FBXL17: variants seen among roughly 807,000 people sequenced by gnomAD.
FBXL17 encodes the protein F-box and leucine rich repeat protein 17, also known as F-box/LRR-repeat protein 17.
Under a neutral mutation model 66.2 loss-of-function variants are expected in FBXL17, and 22 were observed. The ratio of observed to expected loss-of-function variants is 0.33; its 90% CI spans 0.24 to 0.47. The LOEUF is 0.47. Ranked by LOEUF, FBXL17 falls within the 20% of genes least tolerant of loss-of-function variation. FBXL17 has a pLI of 1.00. For missense variants in FBXL17, 878 were observed against 948.2 expected (o/e 0.93, Z 0.97); for synonymous variants, 474 against 400.5 (o/e 1.18, Z -2.19).
In FBXL17 at chr5:108,132,242, T is replaced by C. The variant is rs11952057; in HGVS notation, c.1745+53875A>G. 4.7e-3 allele frequency among the ~76,000 whole-genome samples: 721 copies of C among 152,234 alleles called. 9 individuals are homozygous for C. Among genetic ancestry groups the C allele is most frequent in the African/African-American group, 0.017 (694 of 41,536 alleles). On this transcript the variant is annotated intron_variant, in intron 6 of 8. Coordinates refer to ENST00000542267, the MANE Select transcript of FBXL17 (RefSeq NM_001163315.3). ...CCGCCCGCATCAGCCTCCCAAAGTG[T>C]TGGGATTACAGGCATGAGCCACCGT...
intron 7 of FBXL17, among the ~76,000 whole-genome samples, chr5:107,899,696 C>G (rs574488185): frequency 1.3e-5 from 2 of 152,226 alleles, no homozygotes; most frequent in African/African-American, 4.8e-5. Flanking sequence ...TTAGGTTATT[C>G]CATACGAATG....
chr5:108,080,350 T>C (rs1233722577), intron 6 of FBXL17, among the ~76,000 whole-genome samples: 1 of 152,224 alleles, frequency 6.6e-6, no homozygotes. Context: ...CAAATTGCCA[T>C]CACGGAAACA....
chr5:107,994,390 T>TTG (rs145256145), intron 7 of FBXL17, among the ~76,000 whole-genome samples: 51 of 151,606 alleles, frequency 3.4e-4, no homozygotes, highest in Admixed American at 3.9e-4. Flanking sequence ...TTTTAGTGTG[T>TTG]TGTGTGTGTG....
chr5:108,024,683 G>C (rs976241915), intron 6 of FBXL17, among the ~76,000 whole-genome samples: 2 of 152,088 alleles, frequency 1.3e-5, no homozygotes, highest in Non-Finnish European at 2.9e-5. Context: ...TACAGAGAAA[G>C]GGCCAGAAAA....
chr5:107,892,868 A>G (rs1303145523), intron 7 of FBXL17, among the ~76,000 whole-genome samples: 2 of 152,200 alleles, frequency 1.3e-5, no homozygotes, highest in East Asian at 1.9e-4. Context: ...GGAAACAAAA[A>G]CATGAAATTC....
At chr5:108,195,687 T>C (rs1469099773) in intron 5 of FBXL17, among the ~76,000 whole-genome samples, 1 of 152,192 alleles carries the variant, frequency 6.6e-6, no homozygotes, top group East Asian at 1.9e-4. Flanking sequence ...AGACAGAAGC[T>C]ATATTGAATT....
At chr5:107,946,263 A>T (rs1177383242) in intron 7 of FBXL17, among the ~76,000 whole-genome samples, 53 of 29,956 alleles carry the variant, frequency 1.8e-3, no homozygotes, top group South Asian at 5.5e-3. Flanking sequence ...TTTTATATAT[A>T]TATATATATA....
At chr5:108,023,218 C>G (rs1754665148) in intron 6 of FBXL17, among the ~76,000 whole-genome samples, 1 of 152,010 alleles carries the variant, frequency 6.6e-6, no homozygotes, top group African/African-American at 2.4e-5. Flanking sequence ...TAAAATTATT[C>G]CTGAAGTAAA....
At chr5:108,276,341 A>G (rs1757481710) in intron 4 of FBXL17, among the ~76,000 whole-genome samples, 1 of 152,206 alleles carries the variant, frequency 6.6e-6, no homozygotes, top group Non-Finnish European at 1.5e-5. Flanking sequence ...AACATTTGTG[A>G]AAATCCTTGC....
At chr5:108,060,841 G>A (rs1747891692) in intron 6 of FBXL17, among the ~76,000 whole-genome samples, 3 of 151,950 alleles carry the variant, frequency 2.0e-5, no homozygotes, top group Non-Finnish European at 1.5e-5. Flanking sequence ...CACCAAAAGG[G>A]AAAGTGGAAA....
chr5:108,339,760 T>C (rs1746754130), intron 4 of FBXL17, among the ~76,000 whole-genome samples: 1 of 152,174 alleles, frequency 6.6e-6, no homozygotes, highest in Non-Finnish European at 1.5e-5. Flanking sequence ...GAATTTCCTA[T>C]TTTTAACCAT....
At chr5:107,890,479 T>C (rs1007790628) in intron 7 of FBXL17, among the ~76,000 whole-genome samples, 17 of 151,496 alleles carry the variant, frequency 1.1e-4, no homozygotes, top group Middle Eastern at 3.4e-3. Context: ...CTGGGCAACA[T>C]GGCAAAACTT....
chr5:108,204,560 G>C lies in FBXL17; in HGVS notation c.1615-18313C>G, dbSNP rs140039739. On this transcript the variant is annotated intron_variant, in intron 5 of 8. Coordinates refer to ENST00000542267, the MANE Select transcript of FBXL17 (RefSeq NM_001163315.3). ...ATATAAATAAACACACAAGAGATTT[G>C]TGACATTATATTGATGAAGTTACAG... Among the ~76,000 whole-genome samples, 19 of 152,278 alleles carry C rather than the reference G, an allele frequency of 1.2e-4. No individual in the cohort carries two copies. The East Asian group carries it at 3.7e-3, about 29-fold the overall frequency.
intron 4 of FBXL17, among the ~76,000 whole-genome samples, chr5:108,233,728 G>C (rs765881392): frequency 2.0e-5 from 3 of 152,188 alleles, no homozygotes; most frequent in Admixed American, 6.5e-5. Context: ...AAGCACTGGT[G>C]ATAAGGAATG....
intron 5 of FBXL17, among the ~76,000 whole-genome samples, chr5:108,221,562 CA>C (rs1237749718): frequency 1.6e-4 from 25 of 152,220 alleles, no homozygotes; most frequent in African/African-American, 5.8e-4. Context: ...TTAGTGACAT[CA>C]TGTATTAAAG....
intron 6 of FBXL17, among the ~76,000 whole-genome samples, chr5:108,093,980 C>T (rs1749279029): frequency 6.6e-6 from 1 of 152,106 alleles, no homozygotes; most frequent in Non-Finnish European, 1.5e-5. Context: ...TCTGTATTCA[C>T]TTTTGTAGTT....
At chr5:108,246,131 T>C (rs1178704521) in intron 4 of FBXL17, among the ~76,000 whole-genome samples, 1 of 152,108 alleles carries the variant, frequency 6.6e-6, no homozygotes, top group Non-Finnish European at 1.5e-5. Flanking sequence ...GCCATATACC[T>C]AGAGTCCTTC....
At chr5:108,264,120 G>T (rs1008939655) in intron 4 of FBXL17, among the ~76,000 whole-genome samples, 2 of 148,406 alleles carry the variant, frequency 1.3e-5, no homozygotes, top group African/African-American at 5.0e-5. Flanking sequence ...GAAGCTGGGG[G>T]AGGAGAACTG....
intron 2 of FBXL17, 124 bp downstream of exon 2, chr5:108,367,707 A>G (rs1748756873): frequency 1.2e-6 from 1 of 804,680 alleles, no homozygotes; most frequent in Non-Finnish European, 1.8e-6. Context: ...CAGAAGCACA[A>G]AATTGTAGAT....
Sources: allele counts gnomAD v4.1 joint callset (sites outside exome capture counted in the v4.1 genomes callset), GRCh38; gene constraint gnomAD v4.1.1; transcripts MANE v1.5; gene names NCBI Gene and HGNC (gene_info 2026-07-23, HGNC 2026-07-21).